PLIN3: variants seen among roughly 807,000 people sequenced by gnomAD.
PLIN3 encodes the protein perilipin-3.
PLIN3 carries 30 observed loss-of-function variants against 35.9 expected under a neutral mutation model. The observed-to-expected ratio is 0.84, with a 90% confidence interval of 0.62 to 1.13. The LOEUF is 1.13. Ranked by LOEUF, PLIN3 falls within the 50% of genes most tolerant of loss-of-function variation. The pLI, the probability that PLIN3 is intolerant of heterozygous loss-of-function variation, is 0.00. For missense variants in PLIN3, 603 were observed against 596.9 expected (o/e 1.01, Z -0.11); for synonymous variants, 261 against 262.5 (o/e 0.99, Z 0.06).
At chr19:4,852,633 ATTTC>A (rs1458962152) in intron 4 of PLIN3, among the ~76,000 whole-genome samples, 6 of 148,596 alleles carry the variant, frequency 4.0e-5, no homozygotes, top group Middle Eastern at 3.5e-3. Context: ...CCTGTACCTC[ATTTC>A]TTTCTTTCTT....
intron 5 of PLIN3, among the ~76,000 whole-genome samples, chr19:4,849,626 T>A (rs532075278): frequency 6.6e-6 from 1 of 151,938 alleles, no homozygotes; most frequent in East Asian, 1.9e-4. Context: ...CATATGTGTA[T>A]ATGCATGTAT....
intron 4 of PLIN3, among the ~76,000 whole-genome samples, chr19:4,858,715 T>TTTTTTTGAGATGGAG: frequency 7.2e-6 from 1 of 138,766 alleles, no homozygotes. Context: ...TTTTTTTTTT[T>TTTTTTTGAGATGGAG]TTTGAGATGG....
intron 5 of PLIN3, among the ~76,000 whole-genome samples, chr19:4,851,407 T>G (rs867342984): frequency 4.6e-5 from 7 of 152,096 alleles, no homozygotes; most frequent in African/African-American, 1.7e-4. Flanking sequence ...GAGGTTGCAG[T>G]GAGCTGAGAT....
chr19:4,856,704 T>TA lies in PLIN3; in HGVS notation c.348+2885_348+2886insT, dbSNP rs561316020. Reference sequence around the variant, plus strand: ...AGCCTCACACTTATCTGAAGGAGGGTGTTTTTTTTTTTTTTTTTGAGACAG... The same window carrying TA: ...AGCCTCACACTTATCTGAAGGAGGGTAGTTTTTTTTTTTTTTTTTGAGACAG... On this transcript the variant is annotated intron_variant, in intron 4 of 7. Transcript: ENST00000221957. Among the ~76,000 whole-genome samples, 457 of 136,926 alleles carry TA rather than the reference T, an allele frequency of 3.3e-3. 8 individuals carry two copies. The South Asian group carries it at 0.036, about 11-fold the overall frequency. 89.8% of individuals were successfully genotyped at this position (136,926 alleles called of 152,430 possible). A position where few individuals can be genotyped will look rare whatever the true frequency, so the allele number is the denominator to read the frequency against.
Position 4,860,019 on chromosome 19 carries a change from A to C in PLIN3, c.72T>G (p.Ser24Arg). 1 of 1,613,966 alleles carries C rather than the reference A, an allele frequency of 6.2e-7. No individual in the cohort carries two copies. The part of the protein sequence containing the change: ...VTVEEPVQQP[S>R]VVDRVASMPL... ...GCATGCTGGCCACACGGTCCACCAC[A>C]CTGGGCTACAGGAGAGAAGTGGCTC... is the stretch of plus-strand genomic sequence containing the variant. Residue 24 changes from serine to arginine, a missense_variant, in exon 3 of 8, where the codon AGT (serine) becomes AGG (arginine). Transcript: ENST00000221957.
In PLIN3 at chr19:4,844,661, T is replaced by C. The variant is rs1322928819; in HGVS notation, c.960+7A>G. 3 of 1,606,340 alleles carry C rather than the reference T, an allele frequency of 1.9e-6. No individual in the cohort carries two copies. The highest frequency in any genetic ancestry group is 2.5e-6 in the Non-Finnish European group (3 of 1,177,124). ...CCTAGGCCACCCCCCAGTCCCCTCATGGGTACCTCTGGCTTGGGCGGCTCC... is the reference window on the plus strand; with the variant it reads ...CCTAGGCCACCCCCCAGTCCCCTCACGGGTACCTCTGGCTTGGGCGGCTCC... On this transcript the variant is annotated splice_region_variant and intron_variant, in intron 7 of 7. Coordinates refer to ENST00000221957, the MANE Select transcript of PLIN3 (RefSeq NM_005817.5).
At position 4,852,122 on chromosome 19, in the gene PLIN3, G is replaced by T; in HGVS notation, c.528C>A (p.Val176=). Residue 176 remains valine, a synonymous_variant, in exon 5 of 8, where the codon GTC becomes GTA. Coordinates refer to ENST00000221957, the MANE Select transcript of PLIN3 (RefSeq NM_005817.5). ...KSVVTGGVQS[V]MGSRLGQMVL... is the part of the protein sequence containing the mutation. ...CCATCTGGCCCAAGCGGGAGCCCAT[G>T]ACCGATTGGACGCCGCCGGTCACTA... 1.9e-6 allele frequency: 3 copies of T among 1,614,066 alleles called. No individual in the cohort carries two copies. The highest frequency in any genetic ancestry group is 2.5e-6 in the Non-Finnish European group (3 of 1,179,976).
rs377485797 is a variant in PLIN3, at chr19:4,855,230, A to G, written c.349-2929T>C. Reference sequence around the variant, plus strand: ...ACGCCACTGCATTCCAGCCTGGGCAACAGAACGAGACTCCATCTGAAAAAA... The same window carrying G: ...ACGCCACTGCATTCCAGCCTGGGCAGCAGAACGAGACTCCATCTGAAAAAA... On this transcript the variant is annotated intron_variant, in intron 4 of 7. Transcript: ENST00000221957. Among the ~76,000 whole-genome samples, 6 of 143,650 alleles carry G rather than the reference A, an allele frequency of 4.2e-5. No individual in the cohort carries two copies. In the South Asian group the frequency reaches 9.4e-4, roughly 23 times the overall value. 94.2% of individuals were successfully genotyped at this position (143,650 alleles called of 152,430 possible).
chr19:4,847,399 T>G (rs1042450543), intron 6 of PLIN3, among the ~76,000 whole-genome samples: 10 of 152,090 alleles, frequency 6.6e-5, no homozygotes, highest in Admixed American at 6.6e-5. Flanking sequence ...CTTGCTATAT[T>G]GCCCAGGTGG....
In PLIN3 at chr19:4,858,697, T is replaced by TG. The variant is rs372929662; in HGVS notation, c.348+892_348+893insC. 3.9e-4 allele frequency among the ~76,000 whole-genome samples: 23 copies of TG among 58,864 alleles called. 1 individual carries two copies. The highest frequency in any genetic ancestry group is 5.5e-4 in the East Asian group (1 of 1,824). 38.6% of individuals were successfully genotyped at this position (58,864 alleles called of 152,430 possible). On this transcript the variant is annotated intron_variant, in intron 4 of 7. Transcript: ENST00000221957. Reference sequence around the variant, plus strand: ...GCGCCTGGCCAGAATATGGTGTTTTTTTGGTTTTTTTTTTTTTTTTTGAGA... The same window carrying TG: ...GCGCCTGGCCAGAATATGGTGTTTTTGTTGGTTTTTTTTTTTTTTTTTGAGA...
At chr19:4,853,516 G>A (rs1289691039) in intron 4 of PLIN3, among the ~76,000 whole-genome samples, 2 of 151,798 alleles carry the variant, frequency 1.3e-5, no homozygotes. Flanking sequence ...AGTAGAGACG[G>A]GTTTCACCAT....
At chr19:4,861,967 C>G (rs1009964430) in intron 1 of PLIN3, among the ~76,000 whole-genome samples, 1 of 150,568 alleles carries the variant, frequency 6.6e-6, no homozygotes, top group East Asian at 2.0e-4. Flanking sequence ...AAGACAGGGT[C>G]TTGCTCTGTC....
At chr19:4,856,704 TG>T (rs1160589742) in intron 4 of PLIN3, among the ~76,000 whole-genome samples, 2 of 136,858 alleles carry the variant, frequency 1.5e-5, no homozygotes, top group Non-Finnish European at 3.2e-5. Context: ...TGAAGGAGGG[TG>T]TTTTTTTTTT....
chr19:4,866,875 C>T (rs1332794220), intron 1 of PLIN3: 1 of 152,482 alleles, frequency 6.6e-6, no homozygotes, highest in African/African-American at 2.4e-5. Flanking sequence ...GGGTCAGTGA[C>T]CTGCCTTGCC....
rs760551643 is a variant in PLIN3, at chr19:4,839,506, G to A, written c.991C>T (p.Arg331Trp). The change falls in exon 8 of 8, where the codon CGG becomes TGG. Residue 331 changes from arginine to tryptophan, a missense_variant. By Grantham distance (101) the Arg-to-Trp change is moderately radical. Transcript: ENST00000221957. ...GCCTGCAGTTGCTGGGCAATGTCCC[G>A]GAACATGGTGAGCGCCCGGGACTCG... is the stretch of plus-strand genomic sequence containing the variant. ...QVESRALTMF[R>W]DIAQQLQATC... The A allele has an allele frequency of 2.7e-5, 42 of 1,538,282 alleles. No homozygotes were observed. The highest frequency in any genetic ancestry group is 1.6e-4 in the East Asian group (7 of 43,974).
chr19:4,839,465 C>A lies in PLIN3; in HGVS notation c.1032G>T (p.Leu344=). 6.4e-7 allele frequency: 1 copy of A among 1,569,712 alleles called. No individual in the cohort carries two copies. Among genetic ancestry groups the A allele is most frequent in the South Asian group, 1.2e-5 (1 of 85,512 alleles). ...TGGGGAGGCCCTGAATGCTGGACCC[C>A]AGGGAGGTACAGGTGGCCTGCAGTT... ...AQQLQATCTS[L]GSSIQGLPTN... The change falls in exon 8 of 8, where the codon CTG becomes CTT. Residue 344 remains leucine (L), a synonymous_variant. Coordinates refer to ENST00000221957, the MANE Select transcript of PLIN3 (RefSeq NM_005817.5).
At chr19:4,858,324 G>T (rs529192771) in intron 4 of PLIN3, among the ~76,000 whole-genome samples, 1 of 149,902 alleles carries the variant, frequency 6.7e-6, no homozygotes, top group East Asian at 2.0e-4. Context: ...AGTAACTTGT[G>T]TGAGGGCCAC....
rs764105907 is a variant in PLIN3, at chr19:4,852,261, G to A, written c.389C>T (p.Ser130Leu). Residue 130 changes from serine (S) to leucine (L), a missense_variant, in exon 5 of 8, where the codon TCG becomes TTG. Ser to Leu is a moderately radical substitution (Grantham distance 145). Transcript: ENST00000221957. Reference protein sequence around the residue: ...DTKELVSSKVSGAQEMVSSAK... With the variant: ...DTKELVSSKVLGAQEMVSSAK... ...GCTAGACACCATCTCTTGGGCCCCC[G>A]ACACCTTAGACGACACAAGCTCCTT... 2.8e-5 allele frequency: 45 copies of A among 1,605,672 alleles called. No individual in the cohort carries two copies. Among genetic ancestry groups the A allele is most frequent in the South Asian group, 7.7e-5 (7 of 91,074 alleles).
intron 4 of PLIN3, among the ~76,000 whole-genome samples, chr19:4,858,554 T>G (rs905755935): frequency 6.6e-6 from 1 of 151,062 alleles, no homozygotes; most frequent in African/African-American, 2.4e-5. Context: ...ATTTTTTTTT[T>G]TGTAGTTTTA....
Sources: gnomAD v4.1 joint callset for allele counts (sites outside exome capture counted in the v4.1 genomes callset) on GRCh38, gnomAD v4.1.1 for gene constraint, MANE v1.5 for transcripts, NCBI Gene and HGNC (gene_info 2026-07-23, HGNC 2026-07-21) for gene names.